NDRG3: variants seen among roughly 807,000 people sequenced by gnomAD.
NDRG3 encodes the protein protein NDRG3.
Under a neutral mutation model 57.2 loss-of-function variants are expected in NDRG3, and 23 were observed. The observed-to-expected ratio is 0.40, with a 90% CI of 0.29 to 0.57. The LOEUF is 0.57. Ranked by LOEUF, NDRG3 falls within the 20% of genes least tolerant of loss-of-function variation. The pLI, the probability that NDRG3 is intolerant of heterozygous loss-of-function variation, is 0.42. For synonymous variants in NDRG3, 132 were observed against 162.6 expected (o/e 0.81, Z 1.43); for missense variants, 384 against 457.3 (o/e 0.84, Z 1.46).
intron 1 of NDRG3, among the ~76,000 whole-genome samples, chr20:36,745,200 A>G (rs1427996082): frequency 6.6e-6 from 1 of 152,190 alleles, no homozygotes; most frequent in Non-Finnish European, 1.5e-5. Context: ...TTATCTTAAT[A>G]AAATGCTTAG....
chr20:36,677,148 G>A (rs1377961676), intron 8 of NDRG3, among the ~76,000 whole-genome samples: 2 of 152,174 alleles, frequency 1.3e-5, no homozygotes, highest in African/African-American at 2.4e-5. Context: ...CCCAGCTGGC[G>A]GGCTGGGAGC....
chr20:36,659,751 C>T (rs1209243197), intron 13 of NDRG3, among the ~76,000 whole-genome samples: 1 of 151,772 alleles, frequency 6.6e-6, no homozygotes, highest in Non-Finnish European at 1.5e-5. Flanking sequence ...CAGGCGTGGG[C>T]CACCATGCCC....
chr20:36,676,977 A>G (rs1010929462), intron 8 of NDRG3, among the ~76,000 whole-genome samples: 1 of 152,198 alleles, frequency 6.6e-6, no homozygotes, highest in African/African-American at 2.4e-5. Flanking sequence ...CCCAAACTGC[A>G]GCTGTGGATC....
Position 36,672,491 on chromosome 20 carries a change from C to T in NDRG3, c.532-1094G>A, listed in dbSNP as rs1283426321. Among the ~76,000 whole-genome samples the T allele has an allele frequency of 4.6e-5, 7 of 152,230 alleles. No homozygotes were observed. In the East Asian group the frequency reaches 7.7e-4, roughly 17 times the overall value. On this transcript the variant is annotated intron_variant, in intron 8 of 15. Coordinates refer to ENST00000349004, the MANE Select transcript of NDRG3 (RefSeq NM_032013.4). Reference sequence around the variant, plus strand: ...AGAAAGACTGAGGAAGAAAGAAGTCCTGAAATCTTCACATAGGTTATCAGT... The same window carrying T: ...AGAAAGACTGAGGAAGAAAGAAGTCTTGAAATCTTCACATAGGTTATCAGT...
At chr20:36,678,450 AGGTG>A (rs978925806) in intron 8 of NDRG3, among the ~76,000 whole-genome samples, 3 of 152,190 alleles carry the variant, frequency 2.0e-5, no homozygotes, top group African/African-American at 7.2e-5. Flanking sequence ...CGGGAGGCTG[AGGTG>A]GGTGGATCAC....
At chr20:36,699,693 GGT>G (rs368581166) in intron 3 of NDRG3, among the ~76,000 whole-genome samples, 35 of 149,164 alleles carry the variant, frequency 2.3e-4, no homozygotes, top group Admixed American at 3.4e-4. Context: ...GTGGTGGTAG[GGT>G]GTGTGTGTGT....
At chr20:36,716,419 G>A (rs1389801375) in intron 2 of NDRG3, among the ~76,000 whole-genome samples, 1 of 151,344 alleles carries the variant, frequency 6.6e-6, no homozygotes, top group Non-Finnish European at 1.5e-5. Flanking sequence ...TATAATCCCA[G>A]CTACTTGGGA....
chr20:36,707,094 G>C (rs1195437430), intron 2 of NDRG3, 87 bp from the exon 3 acceptor site: 2 of 1,199,892 alleles, frequency 1.7e-6, no homozygotes, highest in Non-Finnish European at 2.5e-6. Context: ...TGACAGCAGT[G>C]CATGTGCAGC....
intron 15 of NDRG3, chr20:36,654,884 G>C: frequency 1.3e-6 from 1 of 779,564 alleles, no homozygotes; most frequent in Non-Finnish European, 2.4e-6. Context: ...AGTGACCCCA[G>C]AGTGCCAAGT....
chr20:36,664,382 G>C (rs1048227282), intron 12 of NDRG3, among the ~76,000 whole-genome samples: 1 of 151,876 alleles, frequency 6.6e-6, no homozygotes, highest in South Asian at 2.1e-4. Flanking sequence ...TTTTATCCAA[G>C]TGCTATGTCC....
At chr20:36,692,129 A>G (rs901453902) in intron 3 of NDRG3, among the ~76,000 whole-genome samples, 1 of 152,272 alleles carries the variant, frequency 6.6e-6, no homozygotes, top group African/African-American at 2.4e-5. Flanking sequence ...TATTTCATAC[A>G]TACCAAAATG....
intron 12 of NDRG3, 120 bp downstream of exon 12, chr20:36,664,926 C>T (rs1421228840): frequency 3.0e-6 from 3 of 998,240 alleles, no homozygotes; most frequent in Non-Finnish European, 3.2e-6. Context: ...TGGGCTCAAG[C>T]GATCCTCCTG....
chr20:36,690,304 C>T (rs1367962560), intron 3 of NDRG3, among the ~76,000 whole-genome samples: 2 of 152,174 alleles, frequency 1.3e-5, no homozygotes, highest in African/African-American at 4.8e-5. Context: ...CCGAGCAAAG[C>T]TCAGGAACCA....
chr20:36,708,371 C>G (rs1036892638), intron 2 of NDRG3, among the ~76,000 whole-genome samples: 1 of 152,024 alleles, frequency 6.6e-6, no homozygotes, highest in Non-Finnish European at 1.5e-5. Flanking sequence ...TCTTCAGGGC[C>G]GGGCACGGTG....
intron 7 of NDRG3, among the ~76,000 whole-genome samples, chr20:36,681,949 C>T (rs567977846): frequency 2.0e-5 from 3 of 152,222 alleles, no homozygotes; most frequent in South Asian, 2.1e-4. Context: ...CCACCCGTGT[C>T]GGCCTCCCAA....
chr20:36,692,050 A>G (rs1845660049), intron 3 of NDRG3, among the ~76,000 whole-genome samples: 1 of 152,222 alleles, frequency 6.6e-6, no homozygotes, highest in Admixed American at 6.5e-5. Context: ...GGGTGCTACG[A>G]TAGAAAAGTA....
intron 13 of NDRG3, among the ~76,000 whole-genome samples, chr20:36,657,823 A>G (rs1978812469): frequency 1.3e-5 from 2 of 152,254 alleles, no homozygotes; most frequent in Non-Finnish European, 2.9e-5. Context: ...TTTAACAAAT[A>G]TACAAAAAAA....
chr20:36,682,036 T>A lies in NDRG3; in HGVS notation c.444+482A>T, dbSNP rs182862444. Among the ~76,000 whole-genome samples, 7 of 152,214 alleles carry A rather than the reference T, an allele frequency of 4.6e-5. No individual in the cohort carries two copies. In the East Asian group the frequency reaches 1.4e-3, roughly 29 times the overall value. On this transcript the variant is annotated intron_variant, in intron 7 of 15. Coordinates refer to ENST00000349004, the MANE Select transcript of NDRG3 (RefSeq NM_032013.4). The stretch of plus-strand genomic sequence containing the variant: ...TTTTCTCTGACTACAGTGATTATAT[T>A]CACGATAGAAAATTTGATAAGCAGA...
rs183101436 is a variant in NDRG3 at position 36,676,012 on chromosome 20, G to A, written c.532-4615C>T. Among the ~76,000 whole-genome samples the A allele has an allele frequency of 1.4e-3, 207 of 152,180 alleles. 1 individual carries two copies. Among genetic ancestry groups the A allele is most frequent in the African/African-American group, 4.9e-3 (204 of 41,552 alleles). On this transcript the variant is annotated intron_variant, in intron 8 of 15. Transcript: ENST00000349004. ...TCCCAGCACTTTGGGAGGCTGAGGC[G>A]GGCGGATCATGAGGTCAGGAGATCG...
Sources: allele counts gnomAD v4.1 joint callset (sites outside exome capture counted in the v4.1 genomes callset), GRCh38; gene constraint gnomAD v4.1.1; transcripts MANE v1.5; gene names NCBI Gene and HGNC (gene_info 2026-07-23, HGNC 2026-07-21).